DCC: variants seen among roughly 807,000 people sequenced by gnomAD.
DCC encodes the protein DCC netrin 1 receptor.
Under a neutral mutation model 172.5 loss-of-function variants are expected in DCC, and 58 were observed. That is an observed-to-expected ratio of 0.34 (90% CI 0.27 to 0.42). The LOEUF (loss-of-function observed/expected upper bound fraction) is 0.42. Ranked by LOEUF, DCC falls within the 10% of genes least tolerant of loss-of-function variation. The pLI, the probability that DCC is intolerant of heterozygous loss-of-function variation, is 1.00. For synonymous variants in DCC, 709 were observed against 644.5 expected (o/e 1.10, Z -1.52); for missense variants, 1,740 against 1,791.0 (o/e 0.97, Z 0.51).
intron 5 of DCC, among the ~76,000 whole-genome samples, chr18:52,971,176 G>A (rs573180817): frequency 6.6e-6 from 1 of 152,146 alleles, no homozygotes; most frequent in East Asian, 1.9e-4. Flanking sequence ...TTTTTCGTTA[G>A]TGCAGCTTCT....
rs144817375 is a variant in DCC, at chr18:53,199,730, C to T, written c.1574-5486C>T. The stretch of plus-strand genomic sequence containing the variant: ...ATAGCTCAAGTGAAACACAGAGCCT[C>T]GACACTAGCCAGGAATGCAGTAAAC... On this transcript the variant is annotated intron_variant, in intron 9 of 28. Transcript: ENST00000442544. 2.0e-4 allele frequency among the ~76,000 whole-genome samples: 31 copies of T among 151,994 alleles called. No individual in the cohort carries two copies. The East Asian group carries it at 5.4e-3, about 27-fold the overall frequency.
intron 8 of DCC, among the ~76,000 whole-genome samples, chr18:53,165,989 C>T (rs1259446063): frequency 6.6e-6 from 1 of 152,164 alleles, no homozygotes; most frequent in Non-Finnish European, 1.5e-5. Context: ...GAGCAGAGGT[C>T]AGCCAGGTGG....
At chr18:52,525,286 A>G (rs1348865255) in intron 1 of DCC, among the ~76,000 whole-genome samples, 1 of 152,148 alleles carries the variant, frequency 6.6e-6, no homozygotes, top group African/African-American at 2.4e-5. Flanking sequence ...TACGTTTGTT[A>G]GTAAACCTAT....
At chr18:52,647,569 C>T (rs775117265) in intron 1 of DCC, among the ~76,000 whole-genome samples, 21 of 152,162 alleles carry the variant, frequency 1.4e-4, no homozygotes, top group Non-Finnish European at 2.8e-4. Flanking sequence ...ACTCCCATTC[C>T]ATCATCAACA....
At chr18:52,690,218 T>C (rs575135609) in intron 1 of DCC, among the ~76,000 whole-genome samples, 5 of 152,142 alleles carry the variant, frequency 3.3e-5, no homozygotes, top group Non-Finnish European at 7.4e-5. Flanking sequence ...CACATCTGAC[T>C]GGAAGGCACT....
intron 3 of DCC, among the ~76,000 whole-genome samples, chr18:52,911,232 A>G (rs1447230960): frequency 6.6e-6 from 1 of 152,080 alleles, no homozygotes; most frequent in Admixed American, 6.6e-5. Context: ...GCGTAGCCCT[A>G]TGACTAACAT....
At chr18:52,547,822 G>A (rs1598904761) in intron 1 of DCC, among the ~76,000 whole-genome samples, 1 of 152,212 alleles carries the variant, frequency 6.6e-6, no homozygotes, top group South Asian at 2.1e-4. Flanking sequence ...TTTTGGTAAA[G>A]GGCAGGATAG....
At chr18:52,987,486 C>A (rs1034058587) in intron 5 of DCC, among the ~76,000 whole-genome samples, 2 of 152,120 alleles carry the variant, frequency 1.3e-5, no homozygotes, top group Non-Finnish European at 2.9e-5. Context: ...GCTGCCAAAC[C>A]CTAACTCAAA....
chr18:52,900,500 G>A (rs2039794677), intron 2 of DCC, among the ~76,000 whole-genome samples: 2 of 152,072 alleles, frequency 1.3e-5, no homozygotes, highest in African/African-American at 4.8e-5. Flanking sequence ...TAGAATTGTT[G>A]ACATCAATAT....
chr18:52,870,820 C>T (rs537562846), intron 2 of DCC, among the ~76,000 whole-genome samples: 6 of 152,030 alleles, frequency 3.9e-5, no homozygotes, highest in African/African-American at 1.2e-4. Context: ...AAAATCTTAA[C>T]CTCTGAGCCT....
At chr18:52,835,313 A>T (rs1260102790) in intron 2 of DCC, among the ~76,000 whole-genome samples, 1 of 152,236 alleles carries the variant, frequency 6.6e-6, no homozygotes, top group Non-Finnish European at 1.5e-5. Context: ...ACACCACTCA[A>T]GATGCCCAAC....
chr18:52,853,834 G>A (rs762133409), intron 2 of DCC, among the ~76,000 whole-genome samples: 4 of 152,148 alleles, frequency 2.6e-5, no homozygotes, highest in Non-Finnish European at 5.9e-5. Flanking sequence ...GCAAGATGTC[G>A]CAGACAGATG....
intron 7 of DCC, among the ~76,000 whole-genome samples, chr18:53,146,306 G>A (rs2043913441): frequency 6.6e-6 from 1 of 152,196 alleles, no homozygotes; most frequent in Admixed American, 6.5e-5. Flanking sequence ...TGGAGGCTGG[G>A]AGCACAAGGT....
chr18:52,962,064 T>G (rs1208784890), intron 5 of DCC, among the ~76,000 whole-genome samples: 1 of 151,806 alleles, frequency 6.6e-6, no homozygotes, highest in Non-Finnish European at 1.5e-5. Context: ...ACTTCATGTC[T>G]AAAACACCAA....
chr18:52,357,957 T>C (rs1325975521), intron 1 of DCC, among the ~76,000 whole-genome samples: 2 of 125,670 alleles, frequency 1.6e-5, no homozygotes, highest in African/African-American at 5.7e-5. Flanking sequence ...AAAAAAAAAA[T>C]CTGACAAACA....
intron 7 of DCC, among the ~76,000 whole-genome samples, chr18:53,132,755 C>A (rs2043677796): frequency 6.6e-6 from 1 of 152,110 alleles, no homozygotes; most frequent in Non-Finnish European, 1.5e-5. Flanking sequence ...GCATGTCAGG[C>A]CAGGGTTCAT....
intron 8 of DCC, among the ~76,000 whole-genome samples, chr18:53,172,508 T>C (rs564718660): frequency 6.6e-6 from 1 of 152,154 alleles, no homozygotes. Context: ...ATAATACCTG[T>C]TCAAAGGGTT....
intron 1 of DCC, among the ~76,000 whole-genome samples, chr18:52,628,771 C>T (rs1018186314): frequency 1.2e-4 from 18 of 152,198 alleles, no homozygotes; most frequent in Admixed American, 4.6e-4. Flanking sequence ...TGGTGTTATT[C>T]TTTGGAAGAG....
At chr18:53,233,719 T>C (rs2056157129) in intron 12 of DCC, among the ~76,000 whole-genome samples, 4 of 152,234 alleles carry the variant, frequency 2.6e-5, no homozygotes, top group Admixed American at 2.6e-4. Context: ...AACTTCATGA[T>C]TGTTATAAAC....
Sources: gnomAD v4.1 joint callset for allele counts (sites outside exome capture counted in the v4.1 genomes callset) on GRCh38, gnomAD v4.1.1 for gene constraint, MANE v1.5 for transcripts, NCBI Gene and HGNC (gene_info 2026-07-23, HGNC 2026-07-21) for gene names.